Variants in MDN1 observed in about 807,000 individuals in gnomAD.
MDN1 encodes midasin.
Under a neutral mutation model 669.2 loss-of-function variants are expected in MDN1, and 266 were observed. The ratio of observed to expected loss-of-function variants is 0.40; its 90% CI spans 0.36 to 0.44. The LOEUF is 0.44. Among genes scored for constraint, MDN1 ranks in the 20% least tolerant of loss-of-function variants. MDN1 has a pLI of 1.00. For missense variants in MDN1, 5,940 were observed against 6,754.0 expected, an observed-to-expected ratio of 0.88 and a Z score of 4.22; for synonymous variants, 2,385 against 2,457.1, an observed-to-expected ratio of 0.97 and a Z score of 0.87.
At chr6:89,769,962 G>A (rs1192871912) in intron 15 of MDN1, among the ~76,000 whole-genome samples, 1 of 152,096 alleles carries the variant, frequency 6.6e-6, no homozygotes, top group Non-Finnish European at 1.5e-5. Context: ...ACCAGGCCTG[G>A]TGGCTTATGC....
chr6:89,664,545 G>A lies in MDN1; in HGVS notation c.14178C>T (p.Ala4726=). Residue 4726 remains alanine (A), a synonymous_variant, in exon 85 of 102, where the codon GCC becomes GCT. Transcript: ENST00000369393. ...SKSDIKGEDN[A]IEMSEDFDGK... ...CATCAAAATCTTCCGACATCTCAAT[G>A]GCATTATCCTCGCCCTTAATATCAG... The A allele has an allele frequency of 6.2e-7, 1 of 1,613,868 alleles. No homozygotes were observed. Among genetic ancestry groups the A allele is most frequent in the Non-Finnish European group, 8.5e-7 (1 of 1,179,842 alleles).
At chr6:89,708,887 AT>A (rs1935186724) in intron 50 of MDN1, among the ~76,000 whole-genome samples, 1 of 151,932 alleles carries the variant, frequency 6.6e-6, no homozygotes, top group Non-Finnish European at 1.5e-5. Context: ...TATAAAGGTA[AT>A]CCCTACTAGA....
Position 89,724,290 on chromosome 6 carries a change from C to T in MDN1, c.5671-671G>A, listed in dbSNP as rs116298469. ...TTGAAAGTTTTCTCAATAAAACATT[C>T]TTCTTTTTTTAAGATGGAGTCTCAT... On this transcript the variant is annotated intron_variant, in intron 38 of 101. Transcript: ENST00000369393. Among the ~76,000 whole-genome samples, 1,382 of 152,136 alleles carry T rather than the reference C, an allele frequency of 9.1e-3. 33 individuals carry two copies. The highest frequency in any genetic ancestry group is 0.032 in the African/African-American group (1,318 of 41,498).
rs1811910553 is a variant in MDN1 at position 89,685,002 on chromosome 6, G to C, written c.11720-17C>G. Reference sequence around the variant, plus strand: ...AAAGTGAATCTGGAAGAAATGAAAAGGAAACAAAAATACCACACTTGCTGC... The same window carrying C: ...AAAGTGAATCTGGAAGAAATGAAAACGAAACAAAAATACCACACTTGCTGC... On this transcript the variant is annotated splice_polypyrimidine_tract_variant and intron_variant, in intron 70 of 101. Coordinates refer to ENST00000369393, the MANE Select transcript of MDN1 (RefSeq NM_014611.3). The C allele has an allele frequency of 5.7e-6, 9 of 1,565,268 alleles. No homozygotes were observed. Among genetic ancestry groups the C allele is most frequent in the Non-Finnish European group, 7.9e-6 (9 of 1,138,974 alleles).
rs1809442734 is a variant in MDN1, at chr6:89,657,957, C to CGCTA, written c.15183+248_15183+251dup. 2.0e-5 allele frequency among the ~76,000 whole-genome samples: 3 copies of CGCTA among 152,186 alleles called. No individual in the cohort carries two copies. In the South Asian group the frequency reaches 6.2e-4, roughly 32 times the overall value. On this transcript the variant is annotated intron_variant, in intron 90 of 101. Coordinates refer to ENST00000369393, the MANE Select transcript of MDN1 (RefSeq NM_014611.3). ...TACCATTGAGGTTTGTGTAAGTACACGCTATGGTGTTCGCACAATGACGAA... is the reference window on the plus strand; with the variant it reads ...TACCATTGAGGTTTGTGTAAGTACACGCTAGCTATGGTGTTCGCACAATGACGAA...
rs1178896384 is a variant in MDN1, at chr6:89,762,304, G to C, written c.2356+15C>G. The C allele has an allele frequency of 1.9e-6, 3 of 1,605,460 alleles. No individual in the cohort carries two copies. The South Asian group carries it at 3.3e-5, about 18-fold the overall frequency. ...CCCATGCCCTCCCCCATGGCAGCCT[G>C]GGTCACATCCTTACCAGTTTCACTG... On this transcript the variant is annotated intron_variant, in intron 16 of 101. Coordinates refer to ENST00000369393, the MANE Select transcript of MDN1 (RefSeq NM_014611.3).
chr6:89,767,695 G>T, intron 15 of MDN1, among the ~76,000 whole-genome samples: 1 of 152,182 alleles, frequency 6.6e-6, no homozygotes. Context: ...GGCAGGCGTT[G>T]TAGTGAGCCA....
Position 89,774,655 on chromosome 6 carries a change from G to A in MDN1, c.1900C>T (p.Leu634=), listed in dbSNP as rs1204686070. 4 of 1,613,576 alleles carry A rather than the reference G, an allele frequency of 2.5e-6. No individual in the cohort carries two copies. The highest frequency in any genetic ancestry group is 1.7e-5 in the Admixed American group (1 of 59,990). The change falls in exon 13 of 102, where the codon CTA becomes TTA. Residue 634 remains leucine (L), a synonymous_variant. Coordinates refer to ENST00000369393, the MANE Select transcript of MDN1 (RefSeq NM_014611.3). ...TGAACAGCCTCACTTTGTTTCCGTAGAAGCCGCACTCGACCCACTTGCAAA... is the reference window on the plus strand; with the variant it reads ...TGAACAGCCTCACTTTGTTTCCGTAAAAGCCGCACTCGACCCACTTGCAAA... ...LDLQVGRVRL[L]RKQSEAVHLQ... is the part of the protein sequence containing the mutation.
intron 12 of MDN1, among the ~76,000 whole-genome samples, chr6:89,776,036 A>C (rs1205679122): frequency 6.6e-6 from 1 of 151,946 alleles, no homozygotes; most frequent in Non-Finnish European, 1.5e-5. Context: ...AGATGGAAAA[A>C]CTCTGCATTA....
intron 33 of MDN1, among the ~76,000 whole-genome samples, chr6:89,733,873 CAT>C (rs1401919379): frequency 7.2e-5 from 11 of 151,964 alleles, no homozygotes; most frequent in Non-Finnish European, 2.9e-5. Context: ...AATAGGTTCA[CAT>C]ATGTATTTTT....
At chr6:89,751,984 A>G (rs1236685704) in intron 22 of MDN1, among the ~76,000 whole-genome samples, 1 of 152,244 alleles carries the variant, frequency 6.6e-6, no homozygotes, top group Non-Finnish European at 1.5e-5. Context: ...TGGATTGCCT[A>G]GAAGACATTA....
At chr6:89,726,166 T>G (rs1003229838) in intron 37 of MDN1, among the ~76,000 whole-genome samples, 1 of 152,096 alleles carries the variant, frequency 6.6e-6, no homozygotes, top group Non-Finnish European at 1.5e-5. Context: ...TTTTAAGATG[T>G]GTAACACAAA....
chr6:89,697,870 C>T (rs1368965075), intron 59 of MDN1, among the ~76,000 whole-genome samples: 1 of 152,158 alleles, frequency 6.6e-6, no homozygotes, highest in Admixed American at 6.5e-5. Context: ...GCGTGAGCTA[C>T]AGCGCCTGAC....
intron 83 of MDN1, among the ~76,000 whole-genome samples, chr6:89,670,161 TATATATATA>T (rs1431424477): frequency 3.4e-3 from 85 of 25,088 alleles, no homozygotes; most frequent in East Asian, 0.031. Flanking sequence ...TATATATATA[TATATATATA>T]TTTTTTTTTT....
At chr6:89,674,003 T>C in intron 79 of MDN1, 101 bp downstream of exon 79, 1 of 1,177,798 alleles carries the variant, frequency 8.5e-7, no homozygotes, top group Non-Finnish European at 1.1e-6. Context: ...GTCTAAAAGC[T>C]GCTGCTTTCT....
Position 89,648,326 on chromosome 6 carries a change from C to A in MDN1, c.16210G>T (p.Ala5404Ser), listed in dbSNP as rs1410671914. 2 of 1,613,834 alleles carry A rather than the reference C, an allele frequency of 1.2e-6. No homozygotes were observed. The highest frequency in any genetic ancestry group is 1.7e-6 in the Non-Finnish European group (2 of 1,179,724). Reference sequence around the variant, plus strand: ...CCAATCACAGCCAAAGATTCAAATGCAAGCTGTGAATTAGAAAGTTAATGA... The same window carrying A: ...CCAATCACAGCCAAAGATTCAAATGAAAGCTGTGAATTAGAAAGTTAATGA... ...SMVDNHTKQL[A>S]FESLAVIGNA... Residue 5404 changes from alanine to serine, a missense_variant, in exon 98 of 102, where the codon GCA (alanine) becomes TCA (serine). Physicochemically the swap from Ala to Ser is moderately conservative, Grantham distance 99. This residue lies in a region of MDN1 where 2,280 missense variants were observed against 2,576.3 expected (regional missense o/e 0.88). Coordinates refer to ENST00000369393, the MANE Select transcript of MDN1 (RefSeq NM_014611.3).
intron 86 of MDN1, 23 bp from the exon 87 acceptor site, chr6:89,662,262 A>C (rs762034799): frequency 3.8e-6 from 6 of 1,596,884 alleles, no homozygotes; most frequent in Non-Finnish European, 5.1e-6. Flanking sequence ...GGAAGAAAAA[A>C]CAATCATCAC....
intron 54 of MDN1, 35 bp downstream of exon 54, chr6:89,701,869 A>G (rs190527421): frequency 2.5e-6 from 4 of 1,590,454 alleles, no homozygotes; most frequent in East Asian, 4.5e-5. Flanking sequence ...TCTATCTGTA[A>G]TCATTGACAT....
chr6:89,791,282 G>T (rs1243107616), intron 5 of MDN1, among the ~76,000 whole-genome samples: 1 of 152,036 alleles, frequency 6.6e-6, no homozygotes, highest in Admixed American at 6.5e-5. Flanking sequence ...TCCCATCTAA[G>T]ATCACAAATA....
Sources: gnomAD v4.1 joint callset for allele counts (sites outside exome capture counted in the v4.1 genomes callset) on GRCh38, gnomAD v4.1.1 for gene constraint, gnomAD v4.1.1 regional missense constraint, MANE v1.5 for transcripts, NCBI Gene and HGNC (gene_info 2026-07-23, HGNC 2026-07-21) for gene names.